The following KCNT2 variants were observed in gnomAD, a reference collection of about 807,000 sequenced individuals.
The protein encoded by KCNT2 is potassium channel subfamily T member 2.
Under a neutral mutation model 153.8 loss-of-function variants are expected in KCNT2, and 67 were observed. That is an observed-to-expected ratio of 0.44 (90% CI 0.36 to 0.53). The LOEUF (loss-of-function observed/expected upper bound fraction) is 0.53. Among genes scored for constraint, KCNT2 ranks in the 20% least tolerant of loss-of-function variants. The probability of loss-of-function intolerance (pLI) is 0.00; values close to 1 mark genes in which losing one functional copy is unlikely to be tolerated. For missense variants in KCNT2, 975 were observed against 1,354.8 expected, an observed-to-expected ratio of 0.72 and a Z score of 4.40; for synonymous variants, 500 against 458.8, an observed-to-expected ratio of 1.09 and a Z score of -1.15.
At chr1:196,305,079 T>TA (rs1661506510) in intron 22 of KCNT2, among the ~76,000 whole-genome samples, 155 bp downstream of exon 22, 1 of 152,196 alleles carries the variant, frequency 6.6e-6, no homozygotes, top group South Asian at 2.1e-4. Flanking sequence ...TTCACATTTT[T>TA]AAAAAAATTA....
intron 12 of KCNT2, among the ~76,000 whole-genome samples, chr1:196,418,587 T>A (rs568327436): frequency 1.4e-4 from 22 of 152,132 alleles, no homozygotes; most frequent in Non-Finnish European, 3.1e-4. Context: ...AGAGTTGGTT[T>A]CCTCTGAGGC....
chr1:196,496,292 A>G lies in KCNT2; in HGVS notation c.96-3951T>C, dbSNP rs555937509. On this transcript the variant is annotated intron_variant, in intron 1 of 27. Coordinates refer to ENST00000294725, the MANE Select transcript of KCNT2 (RefSeq NM_198503.5). Reference sequence around the variant, plus strand: ...AGACCATCCTGGCTAACATGGTGAAACCCCAGCTCTACTAAAATACAAAAA... The same window carrying G: ...AGACCATCCTGGCTAACATGGTGAAGCCCCAGCTCTACTAAAATACAAAAA... 2.0e-5 allele frequency among the ~76,000 whole-genome samples: 3 copies of G among 151,916 alleles called. No individual in the cohort carries two copies. The East Asian group carries it at 5.8e-4, about 30-fold the overall frequency.
At chr1:196,260,945 T>A (rs890345236) in intron 25 of KCNT2, among the ~76,000 whole-genome samples, 1 of 151,910 alleles carries the variant, frequency 6.6e-6, no homozygotes, top group African/African-American at 2.4e-5. Context: ...ATCATTAATA[T>A]ATCCTTGTAA....
At chr1:196,441,753 G>T (rs189343161) in intron 8 of KCNT2, among the ~76,000 whole-genome samples, 1 of 151,744 alleles carries the variant, frequency 6.6e-6, no homozygotes, top group Non-Finnish European at 1.5e-5. Context: ...AAGTGGGAGG[G>T]TTCTGTTATT....
chr1:196,604,603 T>C (rs1665110352), intron 1 of KCNT2, among the ~76,000 whole-genome samples: 1 of 152,136 alleles, frequency 6.6e-6, no homozygotes, highest in Non-Finnish European at 1.5e-5. Context: ...TGTCTAACCC[T>C]ATTCCCATAT....
rs184691354 is a variant in KCNT2 at position 196,567,610 on chromosome 1, G to A, written c.95+40605C>T. On this transcript the variant is annotated intron_variant, in intron 1 of 27. Coordinates refer to ENST00000294725, the MANE Select transcript of KCNT2 (RefSeq NM_198503.5). The stretch of plus-strand genomic sequence containing the variant: ...CTTTTGTCATGAGCAATTCACATGG[G>A]ACTATGTTCATTTAGATGTTGTTAC... 1.9e-3 allele frequency among the ~76,000 whole-genome samples: 282 copies of A among 152,280 alleles called. 1 individual carries two copies. Among genetic ancestry groups the A allele is most frequent in the African/African-American group, 6.6e-3 (276 of 41,558 alleles).
At chr1:196,294,066 G>C (rs947912096) in intron 22 of KCNT2, among the ~76,000 whole-genome samples, 2 of 152,004 alleles carry the variant, frequency 1.3e-5, no homozygotes, top group Non-Finnish European at 2.9e-5. Context: ...CCTCTCAAAA[G>C]AACATATATA....
intron 13 of KCNT2, among the ~76,000 whole-genome samples, chr1:196,387,588 T>G (rs115075730): frequency 2.9e-4 from 44 of 152,084 alleles, no homozygotes; most frequent in African/African-American, 1.0e-3. Context: ...CACATGATAC[T>G]AAGAATCCTT....
At chr1:196,269,010 C>T (rs1657812145) in intron 25 of KCNT2, among the ~76,000 whole-genome samples, 1 of 152,016 alleles carries the variant, frequency 6.6e-6, no homozygotes, top group African/African-American at 2.4e-5. Flanking sequence ...TAATGCAATA[C>T]ATGTCCCATC....
chr1:196,420,369 T>G (rs1039536638), intron 12 of KCNT2, among the ~76,000 whole-genome samples: 8 of 151,862 alleles, frequency 5.3e-5, no homozygotes, highest in Non-Finnish European at 1.5e-5. Flanking sequence ...TTTTTGTGTA[T>G]GGTTTTTGTT....
At chr1:196,286,624 CACACACACACACAT>C (rs940102305) in intron 22 of KCNT2, among the ~76,000 whole-genome samples, 1 of 141,926 alleles carries the variant, frequency 7.0e-6, no homozygotes, top group Admixed American at 6.8e-5. Flanking sequence ...ATATCACACA[CACACACACACACAT>C]ACACACACAC....
intron 14 of KCNT2, among the ~76,000 whole-genome samples, chr1:196,356,745 G>A (rs1667206263): frequency 6.6e-6 from 1 of 151,740 alleles, no homozygotes; most frequent in Admixed American, 6.6e-5. Flanking sequence ...TGACTCTAGT[G>A]TCTACAGAGC....
chr1:196,424,487 C>G (rs182271654), intron 11 of KCNT2, among the ~76,000 whole-genome samples: 19 of 151,886 alleles, frequency 1.3e-4, no homozygotes, highest in Admixed American at 3.9e-4. Flanking sequence ...AGATAGCAAA[C>G]AGTAAACACC....
intron 26 of KCNT2, among the ~76,000 whole-genome samples, chr1:196,254,504 T>C (rs1307951604): frequency 6.6e-6 from 1 of 151,538 alleles, no homozygotes; most frequent in Non-Finnish European, 1.5e-5. Context: ...AAGAAATAAC[T>C]AGCCATAGTT....
At chr1:196,333,021 C>T (rs1242583399) in intron 17 of KCNT2, among the ~76,000 whole-genome samples, 1 of 151,812 alleles carries the variant, frequency 6.6e-6, no homozygotes, top group Non-Finnish European at 1.5e-5. Context: ...AACTCCTGAC[C>T]TCAAATGATC....
chr1:196,332,334 A>C (rs1308511647), intron 17 of KCNT2, among the ~76,000 whole-genome samples: 1 of 152,182 alleles, frequency 6.6e-6, no homozygotes. Flanking sequence ...GTCGCACTCC[A>C]AAACACTGTT....
intron 1 of KCNT2, among the ~76,000 whole-genome samples, chr1:196,590,468 T>A (rs1449071914): frequency 6.6e-6 from 1 of 152,022 alleles, no homozygotes; most frequent in African/African-American, 2.4e-5. Context: ...GGAGGACGGG[T>A]TTCAGGTGAC....
intron 1 of KCNT2, among the ~76,000 whole-genome samples, chr1:196,513,709 T>C (rs961472429): frequency 1.3e-5 from 2 of 152,198 alleles, no homozygotes; most frequent in Non-Finnish European, 2.9e-5. Context: ...ACACATGTGT[T>C]CTTGCTCAGT....
intron 12 of KCNT2, among the ~76,000 whole-genome samples, chr1:196,409,134 G>A (rs1672080091): frequency 1.3e-5 from 2 of 148,414 alleles, no homozygotes; most frequent in Admixed American, 6.8e-5. Context: ...TTCATCTTTG[G>A]TATGAGTTCT....
Sources: allele counts gnomAD v4.1 joint callset (sites outside exome capture counted in the v4.1 genomes callset), GRCh38; gene constraint gnomAD v4.1.1; transcripts MANE v1.5; gene names NCBI Gene and HGNC (gene_info 2026-07-23, HGNC 2026-07-21).